The following BICD2 variants were observed in gnomAD, a reference collection of about 807,000 sequenced individuals.
The protein encoded by BICD2 is BICD cargo adaptor 2.
Under a neutral mutation model 72.9 loss-of-function variants are expected in BICD2, and 25 were observed. The observed-to-expected ratio is 0.34, with a 90% CI of 0.25 to 0.48. The LOEUF (loss-of-function observed/expected upper bound fraction) is 0.48, where lower values mean the gene tolerates loss of function less well. BICD2 is among the 20% of genes least tolerant of loss of function. The pLI is 0.99. For synonymous variants in BICD2, 501 were observed against 516.1 expected, an observed-to-expected ratio of 0.97 and a Z score of 0.40; for missense variants, 894 against 1,175.2, an observed-to-expected ratio of 0.76 and a Z score of 3.50.
intron 6 of BICD2, among the ~76,000 whole-genome samples, chr9:92,716,550 C>A (rs1199253903): frequency 6.6e-6 from 1 of 152,234 alleles, no homozygotes. Flanking sequence ...CCCACCCTGT[C>A]CAGCTCAGAT....
Position 92,713,845 on chromosome 9 carries a change from G to A in BICD2, c.*1309C>T, listed in dbSNP as rs940139867. 2 of 1,059,022 alleles carry A rather than the reference G, an allele frequency of 1.9e-6. No individual in the cohort carries two copies. Among genetic ancestry groups the A allele is most frequent in the African/African-American group, 3.3e-5 (2 of 60,310 alleles). 65.6% of individuals were successfully genotyped at this position (1,059,022 alleles called of 1,614,324 possible). On this transcript the variant is annotated 3_prime_UTR_variant, in exon 7 of 7. Coordinates refer to ENST00000356884, the MANE Select transcript of BICD2 (RefSeq NM_001003800.2). ...ACCAAAGGGAAGAACGCGCAGGGCAGAGAGCTGTGGGAGGGGGCAACACGG... is the reference window on the plus strand; with the variant it reads ...ACCAAAGGGAAGAACGCGCAGGGCAAAGAGCTGTGGGAGGGGGCAACACGG...
chr9:92,730,696 C>G (rs1220388689), intron 1 of BICD2, among the ~76,000 whole-genome samples: 1 of 152,062 alleles, frequency 6.6e-6, no homozygotes, highest in African/African-American at 2.4e-5. Flanking sequence ...GGGGACACCC[C>G]TAAACAAGGC....
chr9:92,718,448 G>A (rs546215509), intron 5 of BICD2, 91 bp downstream of exon 5: 18 of 1,469,002 alleles, frequency 1.2e-5, no homozygotes, highest in African/African-American at 2.8e-5. Context: ...GGCCTGGGGG[G>A]GCCCCGTGGC....
intron 2 of BICD2, among the ~76,000 whole-genome samples, chr9:92,727,787 G>C (rs561306265): frequency 6.6e-6 from 1 of 152,062 alleles, no homozygotes. Flanking sequence ...GCTGGACCCT[G>C]CCTCCTTCAG....
chr9:92,719,398 C>T lies in BICD2; in HGVS notation c.1247G>A (p.Arg416His), dbSNP rs1192666081. ...GTAGTCCCCATCCTCATGGCTGTCACGGTCCTTCTCGTTGTCCAGGGCTGT... is the reference window on the plus strand; with the variant it reads ...GTAGTCCCCATCCTCATGGCTGTCATGGTCCTTCTCGTTGTCCAGGGCTGT... ...RQTALDNEKD[R>H]DSHEDGDYYE... Residue 416 changes from arginine (R) to histidine (H), a missense_variant, in exon 5 of 7, where the codon CGT becomes CAT. This residue lies in a region of BICD2 where 371 missense variants were observed against 439.1 expected (regional missense o/e 0.84). Coordinates refer to ENST00000356884, the MANE Select transcript of BICD2 (RefSeq NM_001003800.2). 2 of 1,614,194 alleles carry T rather than the reference C, an allele frequency of 1.2e-6. No homozygotes were observed. Among genetic ancestry groups the T allele is most frequent in the East Asian group, 2.2e-5 (1 of 44,882 alleles).
At chr9:92,718,417 GCT>G in intron 5 of BICD2, 120 bp downstream of exon 5, 1 of 1,197,350 alleles carries the variant, frequency 8.4e-7, no homozygotes, top group South Asian at 1.5e-5. Context: ...TATGGGGCTG[GCT>G]CTGTCTGGTG....
In BICD2 at chr9:92,714,018, A is replaced by C. The variant is rs1564057291; in HGVS notation, c.*1136T>G. ...GAAAAGTTCTGCTCAGAATGTGGGA[A>C]GGCAGGTGTGGATGGAGCCTCTGGA... On this transcript the variant is annotated 3_prime_UTR_variant, in exon 7 of 7. Transcript: ENST00000356884. The C allele has an allele frequency of 1.0e-6, 1 of 986,722 alleles. No individual in the cohort carries two copies. Among genetic ancestry groups the C allele is most frequent in the East Asian group, 1.1e-4 (1 of 8,838 alleles). 61.1% of individuals were successfully genotyped at this position (986,722 alleles called of 1,614,324 possible).
intron 2 of BICD2, among the ~76,000 whole-genome samples, chr9:92,724,506 G>C (rs1196522354): frequency 1.3e-5 from 2 of 152,202 alleles, no homozygotes; most frequent in African/African-American, 4.8e-5. Flanking sequence ...CTCATTATAA[G>C]TGACCCAAGG....
intron 1 of BICD2, among the ~76,000 whole-genome samples, chr9:92,746,708 C>G (rs960658587): frequency 6.6e-6 from 1 of 152,086 alleles, no homozygotes; most frequent in African/African-American, 2.4e-5. Context: ...AAGTAACCGT[C>G]GTGATGGCTC....
chr9:92,719,819 G>A (rs753074194), intron 4 of BICD2, among the ~76,000 whole-genome samples: 1 of 152,204 alleles, frequency 6.6e-6, no homozygotes, highest in Non-Finnish European at 1.5e-5. Flanking sequence ...CACCCTCAAC[G>A]CAGGCTCTTT....
Position 92,717,777 on chromosome 9 carries a change from C to A in BICD2, c.2258+20G>T. On this transcript the variant is annotated intron_variant, in intron 6 of 6. Transcript: ENST00000356884. ...CAGCTGGCCTTGTGGAAGGGGAGGG[C>A]CCGACAGCAGCACGGTTACCTGGTG... 1 of 1,591,396 alleles carries A rather than the reference C, an allele frequency of 6.3e-7. No homozygotes were observed. The highest frequency in any genetic ancestry group is 1.3e-5 in the African/African-American group (1 of 74,490).
At chr9:92,746,603 CA>C (rs1179798371) in intron 1 of BICD2, among the ~76,000 whole-genome samples, 3 of 151,392 alleles carry the variant, frequency 2.0e-5, no homozygotes, top group African/African-American at 4.9e-5. Context: ...GGTACATTCA[CA>C]ATGCCCAGCA....
chr9:92,718,954 GC>G lies in BICD2; in HGVS notation c.1690del (p.Ala564ProfsTer54). 1 of 1,609,678 alleles carries G rather than the reference GC, an allele frequency of 6.2e-7. No homozygotes were observed. On this transcript the variant is annotated frameshift_variant, in exon 5 of 7. Transcript: ENST00000356884. LOFTEE classifies it high-confidence loss of function. The part of the protein sequence containing the change: ...LDYYREGQGG[A>X]GRTSPGGRTS... ...GCGGCCCCCGGGACTGGTGCGGCCGGCCCCGCCCTGGCCCTCGCGGTAGTAG... is the reference window on the plus strand; with the variant it reads ...GCGGCCCCCGGGACTGGTGCGGCCGGCCCGCCCTGGCCCTCGCGGTAGTAG...
chr9:92,721,875 G>A (rs958005593), intron 3 of BICD2, among the ~76,000 whole-genome samples: 3 of 152,246 alleles, frequency 2.0e-5, no homozygotes, highest in Non-Finnish European at 2.9e-5. Context: ...AGCTGTCACA[G>A]AAGGACCAGG....
chr9:92,732,920 C>G (rs1853705007), intron 1 of BICD2, among the ~76,000 whole-genome samples: 1 of 152,170 alleles, frequency 6.6e-6, no homozygotes, highest in South Asian at 2.1e-4. Context: ...ATTTAAATCT[C>G]TTTAAAAGAT....
At position 92,718,665 on chromosome 9, in the gene BICD2, C is replaced by A; in HGVS notation, c.1980G>T (p.Glu660Asp). The A allele has an allele frequency of 1.2e-6, 2 of 1,614,102 alleles. No individual in the cohort carries two copies. Among genetic ancestry groups the A allele is most frequent in the Non-Finnish European group, 1.7e-6 (2 of 1,180,030 alleles). Residue 660 changes from glutamate to aspartate, a missense_variant, in exon 5 of 7, where the codon GAG (glutamate) becomes GAT (aspartate). Glu to Asp is a conservative substitution (Grantham distance 45, BLOSUM62 2). Around this residue, in one of 5 missense-constraint regions of BICD2, gnomAD observed 321 missense variants for 443.9 expected, o/e 0.72. Transcript: ENST00000356884. The part of the protein sequence containing the change: ...ELSRQRIASQ[E>D]LGPAVDKDKE... The stretch of plus-strand genomic sequence containing the variant: ...TGTCCTTGTCCACGGCGGGGCCCAG[C>A]TCCTGAGAGGCAATGCGCTGGCGTG...
chr9:92,728,143 C>T (rs1189989944), intron 2 of BICD2, among the ~76,000 whole-genome samples: 2 of 152,218 alleles, frequency 1.3e-5, no homozygotes, highest in Non-Finnish European at 2.9e-5. Context: ...TGGGCTCAAA[C>T]TACACAGGTT....
chr9:92,756,686 A>G (rs1351715275), intron 1 of BICD2, among the ~76,000 whole-genome samples: 1 of 150,934 alleles, frequency 6.6e-6, no homozygotes, highest in Non-Finnish European at 1.5e-5. Context: ...GCCTAACAGG[A>G]TGAAACCCTG....
At position 92,764,484 on chromosome 9, in the gene BICD2, G is replaced by A; in HGVS notation, c.240+21C>T. 2 of 1,492,784 alleles carry A rather than the reference G, an allele frequency of 1.3e-6. No individual in the cohort carries two copies. Among genetic ancestry groups the A allele is most frequent in the Non-Finnish European group, 1.8e-6 (2 of 1,116,850 alleles). 92.5% of individuals were successfully genotyped at this position (1,492,784 alleles called of 1,614,324 possible). A position where few individuals can be genotyped will look rare whatever the true frequency, so the allele number is the denominator to read the frequency against. ...GCCCCGGCGCCGGGCGGGGGTCGCA[G>A]GGCAGGGCGGCTCGGCTCACCTCCT... is the stretch of plus-strand genomic sequence containing the variant. On this transcript the variant is annotated intron_variant, in intron 1 of 6. Coordinates refer to ENST00000356884, the MANE Select transcript of BICD2 (RefSeq NM_001003800.2). The surrounding 1 kb of genome is among the most constrained non-coding windows in gnomAD (Gnocchi z 5.5).
Sources: allele counts gnomAD v4.1 joint callset (sites outside exome capture counted in the v4.1 genomes callset), GRCh38; gene constraint gnomAD v4.1.1; regional missense constraint gnomAD v4.1.1; non-coding constraint Gnocchi (gnomAD v3.1); transcripts MANE v1.5; gene names NCBI Gene and HGNC (gene_info 2026-07-23, HGNC 2026-07-21).